CDH12: variants seen among roughly 807,000 people sequenced by gnomAD.
CDH12 encodes the protein cadherin 12.
Under a neutral mutation model 74.1 loss-of-function variants are expected in CDH12, and 41 were observed. That is an observed-to-expected ratio of 0.55 (90% CI 0.43 to 0.72). CDH12 has a LOEUF of 0.72. CDH12 is among the 30% of genes least tolerant of loss of function. The pLI is 0.00. For synonymous variants in CDH12, 399 were observed against 355.0 expected, an observed-to-expected ratio of 1.12 and a Z score of -1.39; for missense variants, 945 against 977.2, an observed-to-expected ratio of 0.97 and a Z score of 0.44.
chr5:22,618,291 G>C (rs895454810), intron 1 of CDH12, among the ~76,000 whole-genome samples: 3 of 151,972 alleles, frequency 2.0e-5, no homozygotes, highest in African/African-American at 7.3e-5. Context: ...ACATTTTCAG[G>C]CTACTGTGGG....
intron 1 of CDH12, among the ~76,000 whole-genome samples, chr5:22,687,768 C>A (rs141905916): frequency 1.3e-5 from 2 of 152,222 alleles, no homozygotes; most frequent in African/African-American, 4.8e-5. Flanking sequence ...ATCATTTATT[C>A]ATTTGTATAT....
rs973767518 is a variant in CDH12, at chr5:22,333,906, G to C, written c.-333+71351C>G. On this transcript the variant is annotated intron_variant, in intron 3 of 14. Transcript: ENST00000382254. ...CCACATGATAATTTCAATTGATGCT[G>C]AAAAAGAATTAAAGTTCAACATCCT... is the stretch of plus-strand genomic sequence containing the variant. Among the ~76,000 whole-genome samples the C allele has an allele frequency of 2.0e-5, 3 of 152,230 alleles. No homozygotes were observed. In the East Asian group the frequency reaches 5.8e-4, roughly 29 times the overall value.
intron 1 of CDH12, among the ~76,000 whole-genome samples, chr5:22,574,985 T>C (rs1406275180): frequency 6.6e-6 from 1 of 152,188 alleles, no homozygotes; most frequent in African/African-American, 2.4e-5. Flanking sequence ...TGCTTTCAGG[T>C]AAAATTAAAC....
At chr5:21,893,557 C>T (rs1752987340) in intron 6 of CDH12, among the ~76,000 whole-genome samples, 1 of 152,078 alleles carries the variant, frequency 6.6e-6, no homozygotes, top group South Asian at 2.1e-4. Context: ...AGTGTAGTAC[C>T]CCAAAATCAG....
intron 4 of CDH12, among the ~76,000 whole-genome samples, chr5:22,125,974 A>T (rs1273019878): frequency 8.4e-5 from 8 of 94,868 alleles, no homozygotes; most frequent in Non-Finnish European, 1.2e-4. Context: ...TTTTTTTTTT[A>T]AATCTATTGT....
intron 3 of CDH12, among the ~76,000 whole-genome samples, chr5:22,238,701 C>T (rs953145541): frequency 5.3e-5 from 8 of 152,098 alleles, no homozygotes; most frequent in Non-Finnish European, 7.4e-5. Flanking sequence ...CTATAACAAG[C>T]CCAAGTTCTC....
At chr5:22,032,744 T>A (rs148339329) in intron 5 of CDH12, among the ~76,000 whole-genome samples, 1 of 136,736 alleles carries the variant, frequency 7.3e-6, no homozygotes, top group South Asian at 2.3e-4. Flanking sequence ...TTTGTATATA[T>A]ACATATTTAT....
intron 3 of CDH12, among the ~76,000 whole-genome samples, chr5:22,389,646 G>T (rs1015819977): frequency 4.6e-5 from 6 of 129,800 alleles, no homozygotes; most frequent in Admixed American, 1.9e-4. Context: ...TTAATAAAAA[G>T]ACAATTTTTT....
chr5:22,249,827 T>G (rs1457824832), intron 3 of CDH12, among the ~76,000 whole-genome samples: 1 of 151,982 alleles, frequency 6.6e-6, no homozygotes, highest in East Asian at 1.9e-4. Context: ...TTTTGTTGTA[T>G]TGCATATTTT....
At chr5:22,323,420 A>G (rs1440612766) in intron 3 of CDH12, among the ~76,000 whole-genome samples, 2 of 152,180 alleles carry the variant, frequency 1.3e-5, no homozygotes, top group South Asian at 4.1e-4. Flanking sequence ...TTACTTTTAT[A>G]CATTTACTTT....
chr5:22,478,520 A>G (rs1418007279), intron 2 of CDH12, among the ~76,000 whole-genome samples: 1 of 152,090 alleles, frequency 6.6e-6, no homozygotes, highest in East Asian at 1.9e-4. Context: ...AAATATATGA[A>G]CCATAACTAA....
At chr5:22,771,246 A>G in intron 1 of CDH12, among the ~76,000 whole-genome samples, 1 of 152,098 alleles carries the variant, frequency 6.6e-6, no homozygotes, top group East Asian at 1.9e-4. Context: ...TTTTTGAGAA[A>G]CCAAATGTTT....
intron 1 of CDH12, among the ~76,000 whole-genome samples, chr5:22,629,728 A>G (rs1176637434): frequency 6.6e-6 from 1 of 151,966 alleles, no homozygotes; most frequent in African/African-American, 2.4e-5. Flanking sequence ...CCTTACTACT[A>G]TTGTTTAATG....
At chr5:22,553,407 C>A (rs1738661474) in intron 1 of CDH12, among the ~76,000 whole-genome samples, 1 of 151,810 alleles carries the variant, frequency 6.6e-6, no homozygotes, top group Admixed American at 6.6e-5. Flanking sequence ...AATAAAGCAC[C>A]CTAAAGTAGA....
intron 8 of CDH12, among the ~76,000 whole-genome samples, chr5:21,839,754 T>A (rs1749737538): frequency 6.6e-6 from 1 of 152,154 alleles, no homozygotes; most frequent in Admixed American, 6.6e-5. Context: ...CTGTGTTTTT[T>A]TGACTGTTTA....
At chr5:22,683,620 C>A (rs1372857839) in intron 1 of CDH12, among the ~76,000 whole-genome samples, 1 of 152,120 alleles carries the variant, frequency 6.6e-6, no homozygotes, top group Non-Finnish European at 1.5e-5. Context: ...CAAGTAAAAG[C>A]AAATTGAGCT....
intron 5 of CDH12, among the ~76,000 whole-genome samples, chr5:22,050,274 C>G (rs1455735253): frequency 1.3e-5 from 2 of 152,088 alleles, no homozygotes; most frequent in Non-Finnish European, 2.9e-5. Context: ...TCCCAACTCC[C>G]TAGACATCTC....
intron 5 of CDH12, among the ~76,000 whole-genome samples, chr5:22,051,876 C>T (rs374771499): frequency 5.3e-5 from 8 of 151,850 alleles, no homozygotes; most frequent in East Asian, 3.9e-4. Context: ...AGAGATGTTT[C>T]GGGGGAAGCA....
intron 5 of CDH12, among the ~76,000 whole-genome samples, chr5:21,992,777 T>C (rs1276854703): frequency 1.2e-4 from 19 of 152,146 alleles, no homozygotes; most frequent in Non-Finnish European, 2.8e-4. Context: ...GGTCCAAACA[T>C]ACTTCAGTGT....
Sources: allele counts gnomAD v4.1 joint callset (sites outside exome capture counted in the v4.1 genomes callset), GRCh38; gene constraint gnomAD v4.1.1; transcripts MANE v1.5; gene names NCBI Gene and HGNC (gene_info 2026-07-23, HGNC 2026-07-21).